Variants in AHCYL2 observed in about 807,000 individuals in gnomAD.
AHCYL2 encodes S-adenosylhomocysteine hydrolase-like protein 2.
In AHCYL2, 28 loss-of-function variants were observed where a neutral mutation model predicts 81.4. The observed-to-expected ratio is 0.34, with a 90% CI of 0.25 to 0.47. The LOEUF (loss-of-function observed/expected upper bound fraction) is 0.47. Ranked by LOEUF, AHCYL2 falls within the 20% of genes least tolerant of loss-of-function variation. The pLI is 1.00. For synonymous variants in AHCYL2, 272 were observed against 290.2 expected, an observed-to-expected ratio of 0.94 and a Z score of 0.64; for missense variants, 551 against 785.1, an observed-to-expected ratio of 0.70 and a Z score of 3.56.
intron 1 of AHCYL2, among the ~76,000 whole-genome samples, chr7:129,352,596 C>T (rs1228057559): frequency 6.6e-6 from 1 of 152,126 alleles, no homozygotes; most frequent in Admixed American, 6.5e-5. Flanking sequence ...GAATTGAAGT[C>T]ATTATTTCTT....
At chr7:129,403,562 A>C in intron 7 of AHCYL2, 77 bp downstream of exon 7, 3 of 1,050,526 alleles carry the variant, frequency 2.9e-6, no homozygotes, top group Non-Finnish European at 1.3e-6. Context: ...TATAAAACAC[A>C]TGTTAAAAAT....
chr7:129,342,267 C>T (rs1793211964), intron 1 of AHCYL2, among the ~76,000 whole-genome samples: 1 of 152,152 alleles, frequency 6.6e-6, no homozygotes, highest in Non-Finnish European at 1.5e-5. Flanking sequence ...TAGACTCCTC[C>T]TCCCCATTAA....
intron 12 of AHCYL2, among the ~76,000 whole-genome samples, chr7:129,415,390 G>A (rs1378037086): frequency 6.6e-6 from 1 of 152,176 alleles, no homozygotes; most frequent in Non-Finnish European, 1.5e-5. Flanking sequence ...TCCAAATGCA[G>A]TGATGTACCT....
At chr7:129,283,384 A>T (rs984857501) in intron 1 of AHCYL2, 2 of 455,972 alleles carry the variant, frequency 4.4e-6, no homozygotes, top group Non-Finnish European at 8.8e-6. Context: ...CCATCATTTC[A>T]TGTATTTTCT....
At chr7:129,266,397 C>T (rs757224290) in intron 1 of AHCYL2, among the ~76,000 whole-genome samples, 2 of 152,142 alleles carry the variant, frequency 1.3e-5, no homozygotes, top group African/African-American at 4.8e-5. Context: ...CGTGGTGGCT[C>T]ACGCCTGTAA....
chr7:129,331,565 G>A (rs538275607), intron 1 of AHCYL2, among the ~76,000 whole-genome samples: 9 of 152,164 alleles, frequency 5.9e-5, no homozygotes, highest in East Asian at 3.9e-4. Context: ...AATCCTGGCC[G>A]GGCGCAGTGG....
chr7:129,287,188 T>C (rs565428074), intron 1 of AHCYL2, among the ~76,000 whole-genome samples: 19 of 152,324 alleles, frequency 1.2e-4, no homozygotes, highest in African/African-American at 4.3e-4. Flanking sequence ...ACTGTACACT[T>C]ATAAAATAAT....
In AHCYL2 at chr7:129,403,451, G is replaced by A; in HGVS notation, c.991G>A (p.Gly331Ser). Residue 331 changes from glycine to serine, a missense_variant, in exon 7 of 17, where the codon GGC becomes AGC. Gly to Ser is a moderately conservative substitution (Grantham distance 56). Around this residue, in one of 2 missense-constraint regions of AHCYL2, gnomAD observed 316 missense variants for 543.1 expected, o/e 0.58. Coordinates refer to ENST00000325006, the MANE Select transcript of AHCYL2 (RefSeq NM_015328.4). Reference protein sequence around the residue: ...KYPNMFKKIKGIVEESVTGVH... With the variant: ...KYPNMFKKIKSIVEESVTGVH... ...TCCCAACATGTTTAAGAAAATCAAG[G>A]GCATAGTAGAGGAGAGTGTTACTGG... The A allele has an allele frequency of 6.2e-7, 1 of 1,611,230 alleles. No homozygotes were observed. Among genetic ancestry groups the A allele is most frequent in the Non-Finnish European group, 8.5e-7 (1 of 1,178,664 alleles).
At chr7:129,347,649 T>G (rs1283914297) in intron 1 of AHCYL2, among the ~76,000 whole-genome samples, 1 of 152,168 alleles carries the variant, frequency 6.6e-6, no homozygotes, top group Non-Finnish European at 1.5e-5. Context: ...TTTTTGGTTT[T>G]TTTCTTTACA....
At chr7:129,398,610 C>A (rs772522368) in intron 5 of AHCYL2, among the ~76,000 whole-genome samples, 2 of 150,986 alleles carry the variant, frequency 1.3e-5, no homozygotes, top group African/African-American at 4.9e-5. Flanking sequence ...AACTCCTGAC[C>A]TCAGATGATC....
intron 1 of AHCYL2, among the ~76,000 whole-genome samples, chr7:129,369,583 G>T: frequency 7.4e-6 from 1 of 135,508 alleles, no homozygotes; most frequent in Non-Finnish European, 1.5e-5. Flanking sequence ...AATGGAGTCT[G>T]GCTCTGTTGT....
chr7:129,299,525 G>C (rs1226414905), intron 1 of AHCYL2, among the ~76,000 whole-genome samples: 1 of 151,196 alleles, frequency 6.6e-6, no homozygotes, highest in Non-Finnish European at 1.5e-5. Context: ...TCCCGAGTAG[G>C]TGGGACTACA....
At chr7:129,396,975 A>G (rs145385529) in intron 4 of AHCYL2, among the ~76,000 whole-genome samples, 19 of 152,298 alleles carry the variant, frequency 1.2e-4, no homozygotes, top group Non-Finnish European at 2.1e-4. Flanking sequence ...TTGGTTTATT[A>G]AATCTTATGG....
chr7:129,350,354 G>A (rs1459427443), intron 1 of AHCYL2, among the ~76,000 whole-genome samples: 1 of 151,772 alleles, frequency 6.6e-6, no homozygotes, highest in African/African-American at 2.4e-5. Context: ...CATAGTATTT[G>A]GAATGTAGAA....
chr7:129,375,984 G>T, intron 1 of AHCYL2: 2 of 1,531,022 alleles, frequency 1.3e-6, no homozygotes, highest in South Asian at 1.2e-5. Flanking sequence ...ATTGTAAAAG[G>T]CCGACTGCTT....
chr7:129,261,789 C>G (rs989032534), intron 1 of AHCYL2, among the ~76,000 whole-genome samples: 12 of 152,106 alleles, frequency 7.9e-5, no homozygotes, highest in African/African-American at 2.9e-4. Flanking sequence ...TCATGGAGAT[C>G]TTAGGCTGTA....
At chr7:129,287,326 A>C (rs1054219267) in intron 1 of AHCYL2, among the ~76,000 whole-genome samples, 1 of 152,234 alleles carries the variant, frequency 6.6e-6, no homozygotes. Context: ...CAAACTGTTT[A>C]TGTGTGAGAA....
At chr7:129,334,533 T>C (rs1798527606) in intron 1 of AHCYL2, among the ~76,000 whole-genome samples, 2 of 152,202 alleles carry the variant, frequency 1.3e-5, no homozygotes, top group South Asian at 4.1e-4. Context: ...GGATTCCTCC[T>C]ATCTACCTTG....
At chr7:129,325,421 G>A (rs1257458637) in intron 1 of AHCYL2, among the ~76,000 whole-genome samples, 1 of 152,052 alleles carries the variant, frequency 6.6e-6, no homozygotes, top group Non-Finnish European at 1.5e-5. Flanking sequence ...TGCACATAAT[G>A]TGGGGTTTTT....
Sources: allele counts gnomAD v4.1 joint callset (sites outside exome capture counted in the v4.1 genomes callset), GRCh38; gene constraint gnomAD v4.1.1; regional missense constraint gnomAD v4.1.1; transcripts MANE v1.5; gene names NCBI Gene and HGNC (gene_info 2026-07-23, HGNC 2026-07-21).